COG5: variants seen among roughly 807,000 people sequenced by gnomAD.
COG5 encodes component of oligomeric golgi complex 5.
A neutral mutation model predicts 110.4 loss-of-function variants in COG5; 86 were observed. That is an observed-to-expected ratio of 0.78 (90% CI 0.65 to 0.93). The LOEUF (loss-of-function observed/expected upper bound fraction) is 0.93. COG5 is among the 40% of genes least tolerant of loss of function. The pLI is 0.00. For missense variants in COG5, 1,077 were observed against 987.0 expected (o/e 1.09, Z -1.22); for synonymous variants, 360 against 334.6 (o/e 1.08, Z -0.83).
At chr7:107,497,430 T>C (rs1798350164) in intron 6 of COG5, among the ~76,000 whole-genome samples, 1 of 152,012 alleles carries the variant, frequency 6.6e-6, no homozygotes, top group African/African-American at 2.4e-5. Flanking sequence ...ACTATTAACA[T>C]AAAAAATTCA....
At chr7:107,538,561 A>G (rs1036770275) in intron 5 of COG5, among the ~76,000 whole-genome samples, 1 of 152,142 alleles carries the variant, frequency 6.6e-6, no homozygotes, top group Non-Finnish European at 1.5e-5. Context: ...CTATTTACTC[A>G]AGACAACGAT....
intron 6 of COG5, among the ~76,000 whole-genome samples, chr7:107,513,867 G>A (rs958123991): frequency 1.3e-5 from 2 of 150,706 alleles, no homozygotes; most frequent in Admixed American, 6.6e-5. Flanking sequence ...ATGGACACAG[G>A]AAGGGGAACA....
rs746268020 is a variant in COG5 at position 107,474,295 on chromosome 7, A to T, written c.538+52942T>A. The T allele has an allele frequency of 2.5e-6, 4 of 1,611,122 alleles. No individual in the cohort carries two copies. The Admixed American group carries it at 6.7e-5, about 27-fold the overall frequency. The stretch of plus-strand genomic sequence containing the variant: ...CAACTTAATCAACTCTGTCAGTAAC[A>T]TTATTACAATGAATCTTCATGTACT... On this transcript the variant is annotated intron_variant, in intron 6 of 21. Transcript: ENST00000297135. The surrounding 1 kb of genome is among the most constrained non-coding windows in gnomAD (Gnocchi z 5.7).
At chr7:107,212,366 C>T (rs893836106) in intron 19 of COG5, among the ~76,000 whole-genome samples, 41 of 152,192 alleles carry the variant, frequency 2.7e-4, no homozygotes, top group African/African-American at 9.9e-4. Flanking sequence ...TATGGCCACA[C>T]TGAAAATGTG....
At chr7:107,316,724 C>G (rs112892114) in intron 11 of COG5, among the ~76,000 whole-genome samples, 14 of 149,496 alleles carry the variant, frequency 9.4e-5, no homozygotes, top group African/African-American at 3.5e-4. Flanking sequence ...CCCAGCTACT[C>G]GGGAGGCTGA....
At chr7:107,220,056 G>A (rs573993611) in intron 19 of COG5, among the ~76,000 whole-genome samples, 3 of 152,306 alleles carry the variant, frequency 2.0e-5, no homozygotes, top group East Asian at 3.9e-4. Flanking sequence ...GTAAAAGCTA[G>A]AAGTGGCAAA....
At chr7:107,207,604 C>G (rs898000361) in intron 21 of COG5, among the ~76,000 whole-genome samples, 1 of 152,204 alleles carries the variant, frequency 6.6e-6, no homozygotes, top group African/African-American at 2.4e-5. Flanking sequence ...ATCAAAGACT[C>G]TATCTTTATT....
intron 6 of COG5, among the ~76,000 whole-genome samples, chr7:107,422,012 A>T (rs772209936): frequency 6.6e-6 from 1 of 152,298 alleles, no homozygotes; most frequent in Non-Finnish European, 1.5e-5. Flanking sequence ...GTTATTAGAA[A>T]AAGGTCTCAA....
At chr7:107,420,613 A>T (rs1399814741) in intron 6 of COG5, among the ~76,000 whole-genome samples, 3 of 152,148 alleles carry the variant, frequency 2.0e-5, no homozygotes, top group Non-Finnish European at 2.9e-5. Context: ...GGCGTGTGCA[A>T]CCACGCCTGG....
intron 8 of COG5, among the ~76,000 whole-genome samples, chr7:107,370,978 C>T (rs754117441): frequency 2.0e-5 from 3 of 151,994 alleles, no homozygotes; most frequent in Non-Finnish European, 4.4e-5. Context: ...ATTGACAGCA[C>T]ATGAATAACT....
At chr7:107,556,891 C>T (rs534022631) in intron 2 of COG5, among the ~76,000 whole-genome samples, 1 of 152,222 alleles carries the variant, frequency 6.6e-6, no homozygotes, top group Admixed American at 6.5e-5. Context: ...CTGCCTCAGC[C>T]TCCCGAGTAG....
intron 3 of COG5, among the ~76,000 whole-genome samples, chr7:107,553,827 TTGA>T (rs1313218344): frequency 1.3e-5 from 2 of 152,270 alleles, no homozygotes; most frequent in Non-Finnish European, 2.9e-5. Context: ...TCTGGTATTG[TTGA>T]TGTTTTTATT....
intron 6 of COG5, among the ~76,000 whole-genome samples, chr7:107,430,419 A>G (rs1254930184): frequency 6.6e-6 from 1 of 152,104 alleles, no homozygotes; most frequent in African/African-American, 2.4e-5. Context: ...TTATTTCTGG[A>G]CTCTCAATTC....
intron 7 of COG5, among the ~76,000 whole-genome samples, chr7:107,398,549 T>C (rs1282444053): frequency 1.3e-5 from 2 of 152,150 alleles, no homozygotes; most frequent in Non-Finnish European, 2.9e-5. Context: ...AGGCGAACAG[T>C]TCATCCCAAA....
chr7:107,368,236 G>A (rs747101974), intron 8 of COG5, among the ~76,000 whole-genome samples: 1 of 151,510 alleles, frequency 6.6e-6, no homozygotes, highest in Non-Finnish European at 1.5e-5. Flanking sequence ...AGCATTAATT[G>A]GAAATTCATT....
chr7:107,372,969 T>G (rs1191307627), intron 7 of COG5, among the ~76,000 whole-genome samples: 1 of 152,170 alleles, frequency 6.6e-6, no homozygotes, highest in African/African-American at 2.4e-5. Flanking sequence ...TTAAATACTA[T>G]GTATATTATT....
rs534860671 is a variant in COG5, at chr7:107,464,303, A to G, written c.539-51671T>C. ...CCCTTCATTCAGCAGCTACAGCCAT[A>G]CTGCCTTTTGCCTTAGGGCCCTGAG... On this transcript the variant is annotated intron_variant, in intron 6 of 21. Coordinates refer to ENST00000297135, the MANE Select transcript of COG5 (RefSeq NM_006348.5). 9.2e-5 allele frequency among the ~76,000 whole-genome samples: 14 copies of G among 152,330 alleles called. No homozygotes were observed. The South Asian group carries it at 2.9e-3, about 32-fold the overall frequency.
chr7:107,272,186 A>G (rs1479361972), intron 14 of COG5, among the ~76,000 whole-genome samples: 3 of 152,200 alleles, frequency 2.0e-5, no homozygotes, highest in African/African-American at 7.2e-5. Flanking sequence ...GGAACTGCTT[A>G]TGACAAACCT....
At chr7:107,269,286 T>A (rs1804053461) in intron 14 of COG5, among the ~76,000 whole-genome samples, 1 of 152,014 alleles carries the variant, frequency 6.6e-6, no homozygotes, top group South Asian at 2.1e-4. Flanking sequence ...CCATCCTGGC[T>A]AACTCGGTGA....
Sources: gnomAD v4.1 joint callset for allele counts (sites outside exome capture counted in the v4.1 genomes callset) on GRCh38, gnomAD v4.1.1 for gene constraint, Gnocchi (gnomAD v3.1) non-coding constraint, MANE v1.5 for transcripts, NCBI Gene and HGNC (gene_info 2026-07-23, HGNC 2026-07-21) for gene names.